Variants in PREPL observed in about 807,000 individuals in gnomAD.
The protein encoded by PREPL is prolyl endopeptidase-like.
In PREPL, 77 loss-of-function variants were observed where a neutral mutation model predicts 70.6. The ratio of observed to expected loss-of-function variants is 1.09; its 90% confidence interval spans 0.91 to 1.32. PREPL has a LOEUF of 1.32. Ranked by LOEUF, PREPL falls within the 40% of genes most tolerant of loss-of-function variation. PREPL has a pLI of 0.00. For synonymous variants in PREPL, 315 were observed against 264.8 expected (o/e 1.19, Z -1.84); for missense variants, 1,002 against 778.2 (o/e 1.29, Z -3.42).
chr2:44,360,745 A>T (rs1248065423), intron 1 of PREPL: 1 of 152,252 alleles, frequency 6.6e-6, no homozygotes, highest in Admixed American at 6.5e-5. Flanking sequence ...AGACAGCTTA[A>T]CATTAAGACC....
Position 44,328,438 on chromosome 2 carries a change from C to CAAAAAAAAAAAAAAAAAA in PREPL, c.1262+481_1262+498dup. Among the ~76,000 whole-genome samples the CAAAAAAAAAAAAAAAAAA allele has an allele frequency of 3.3e-5, 2 of 61,190 alleles. 1 individual carries two copies. Among genetic ancestry groups the CAAAAAAAAAAAAAAAAAA allele is most frequent in the Non-Finnish European group, 5.6e-5 (2 of 35,506 alleles). The allele number at this position is 61,190 out of a possible 152,430, so 40.1% of individuals were successfully genotyped here. ...GGCGACAAAGCAAAACTGTCTCAAA[C>CAAAAAAAAAAAAAAAAAA]AAAAAAAAAAAAAAAAAAAAAAAAA... On this transcript the variant is annotated intron_variant, in intron 9 of 13. Coordinates refer to ENST00000409411, the MANE Select transcript of PREPL (RefSeq NM_001171613.2).
intron 1 of PREPL, among the ~76,000 whole-genome samples, chr2:44,353,039 G>C (rs1223050961): frequency 1.3e-5 from 2 of 152,078 alleles, no homozygotes; most frequent in African/African-American, 4.8e-5. Flanking sequence ...TTGAGCCCAA[G>C]AGCTTCAGAC....
At position 44,328,897 on chromosome 2, in the gene PREPL, G is replaced by T. The variant is rs200515359; in HGVS notation, c.1262+40C>A. On this transcript the variant is annotated intron_variant, in intron 9 of 13. Coordinates refer to ENST00000409411, the MANE Select transcript of PREPL (RefSeq NM_001171613.2). ...TGTTATTCTTGACATCTCTCACAATGGTCTAGCACTTACATGCCAGGTAAA... is the reference window on the plus strand; with the variant it reads ...TGTTATTCTTGACATCTCTCACAATTGTCTAGCACTTACATGCCAGGTAAA... 981 of 1,552,934 alleles carry T rather than the reference G, an allele frequency of 6.3e-4. 6 individuals carry two copies. The African/African-American group carries it at 0.012, about 19-fold the overall frequency.
chr2:44,322,000 A>G, intron 12 of PREPL, 100 bp from the exon 13 acceptor site: 1 of 1,248,808 alleles, frequency 8.0e-7, no homozygotes, highest in Non-Finnish European at 1.1e-6. Context: ...CTCAGTTCAA[A>G]TAATAGTAAA....
At position 44,321,572 on chromosome 2, in the gene PREPL, C is replaced by T. The variant is rs963563882; in HGVS notation, c.1828-127G>A. 24 of 1,497,192 alleles carry T rather than the reference C, an allele frequency of 1.6e-5. No homozygotes were observed. The South Asian group carries it at 3.1e-4, about 19-fold the overall frequency. The allele number at this position is 1,497,192 out of a possible 1,614,324, so 92.7% of individuals were successfully genotyped here. ...CAGCAATTTATGGCAAGAATACTTT[C>T]ATTCGAGAGAGAGGCAGAAGGCTTC... On this transcript the variant is annotated intron_variant, in intron 13 of 13. Coordinates refer to ENST00000409411, the MANE Select transcript of PREPL (RefSeq NM_001171613.2).
chr2:44,342,486 T>G lies in PREPL; in HGVS notation c.416A>C (p.His139Pro), dbSNP rs746974507. 6.2e-7 allele frequency: 1 copy of G among 1,613,034 alleles called. No homozygotes were observed. The highest frequency in any genetic ancestry group is 1.7e-5 in the Admixed American group (1 of 59,940). ...FYTFQRNLRC[H>P]DVYRATFGDN... ...ACCAAAAGTGGCTCGATATACGTCA[T>G]GACAGCGAAGGTTCCTCTGGAAGGT... Residue 139 changes from histidine to proline, a missense_variant, in exon 5 of 14, where the codon CAT (histidine) becomes CCT (proline). Coordinates refer to ENST00000409411, the MANE Select transcript of PREPL (RefSeq NM_001171613.2).
chr2:44,327,279 C>G (rs910774866), intron 9 of PREPL, among the ~76,000 whole-genome samples: 1 of 152,114 alleles, frequency 6.6e-6, no homozygotes, highest in Non-Finnish European at 1.5e-5. Context: ...GTGGAGAAGA[C>G]AGTAATTTTG....
chr2:44,345,537 G>A (rs1675704646), intron 2 of PREPL, among the ~76,000 whole-genome samples: 1 of 151,920 alleles, frequency 6.6e-6, no homozygotes, highest in East Asian at 1.9e-4. Flanking sequence ...TAGTAGAGAT[G>A]GGGTTTCACC....
intron 1 of PREPL, among the ~76,000 whole-genome samples, chr2:44,359,047 C>T (rs1298286168): frequency 6.6e-6 from 1 of 150,702 alleles, no homozygotes; most frequent in Non-Finnish European, 1.5e-5. Flanking sequence ...ACATTAGAGC[C>T]CTATAAATAT....
At position 44,323,284 on chromosome 2, in the gene PREPL, G is replaced by T. The variant is rs1397707506; in HGVS notation, c.1607C>A (p.Pro536His). The change falls in exon 11 of 14, where the codon CCC becomes CAC. Residue 536 changes from proline (P) to histidine (H), a missense_variant. Physicochemically the swap from Pro to His is moderately conservative, Grantham distance 77 (BLOSUM62 -2). Transcript: ENST00000409411. ...KHKNYIKRYC[P>H]YQNIKPQHYP... ...TACCTGAGGTTTAATATTTTGATAG[G>T]GACAGTAACGTTTTATGTAGTTCTT... The T allele has an allele frequency of 1.2e-6, 2 of 1,605,080 alleles. No individual in the cohort carries two copies. The highest frequency in any genetic ancestry group is 8.5e-7 in the Non-Finnish European group (1 of 1,174,424).
intron 6 of PREPL, 92 bp from the exon 7 acceptor site, chr2:44,338,628 G>T: frequency 9.8e-7 from 1 of 1,019,706 alleles, no homozygotes; most frequent in Non-Finnish European, 1.4e-6. Flanking sequence ...GACCATACTA[G>T]TCCTCACTGT....
chr2:44,357,402 G>C (rs904900295), intron 1 of PREPL, among the ~76,000 whole-genome samples: 1 of 152,140 alleles, frequency 6.6e-6, no homozygotes, highest in African/African-American at 2.4e-5. Context: ...ACAGCTGCCG[G>C]GGCATCTTTA....
At chr2:44,326,477 A>G (rs1459544860) in intron 10 of PREPL, among the ~76,000 whole-genome samples, 7 of 143,300 alleles carry the variant, frequency 4.9e-5, no homozygotes, top group African/African-American at 1.6e-4. Flanking sequence ...AGATCCTCTT[A>G]CCAACAAGCC....
chr2:44,324,222 T>C (rs1673266008), intron 10 of PREPL, among the ~76,000 whole-genome samples: 1 of 152,218 alleles, frequency 6.6e-6, no homozygotes, highest in Non-Finnish European at 1.5e-5. Context: ...GTTTGAGTAG[T>C]CAAATTCACA....
chr2:44,358,874 G>A (rs1315636539), intron 1 of PREPL, among the ~76,000 whole-genome samples: 1 of 151,996 alleles, frequency 6.6e-6, no homozygotes, highest in African/African-American at 2.4e-5. Flanking sequence ...TTACTGATTT[G>A]TGATTCATAA....
intron 2 of PREPL, among the ~76,000 whole-genome samples, chr2:44,345,210 G>A (rs1398153877): frequency 6.6e-6 from 1 of 152,078 alleles, no homozygotes; most frequent in African/African-American, 2.4e-5. Flanking sequence ...TGATTTCAGT[G>A]GCTTACGTTT....
intron 9 of PREPL, 29 bp downstream of exon 9, chr2:44,328,908 T>TA (rs755238220): frequency 8.8e-6 from 14 of 1,594,150 alleles, no homozygotes; most frequent in Non-Finnish European, 1.2e-5. Flanking sequence ...GTCTAGCACT[T>TA]ACATGCCAGG....
chr2:44,360,279 CTTGT>C lies in PREPL; in HGVS notation c.-49+1097_-49+1100del, dbSNP rs941074399. ...TTAACTAACTGCCAGGTGCTTTTAT[CTTGT>C]TTGTCTAATTTAAATTTTATATGGA... On this transcript the variant is annotated intron_variant, in intron 1 of 13. Coordinates refer to ENST00000409411, the MANE Select transcript of PREPL (RefSeq NM_001171613.2). 4 of 152,290 alleles carry C rather than the reference CTTGT, an allele frequency of 2.6e-5. No individual in the cohort carries two copies. The East Asian group carries it at 5.8e-4, about 22-fold the overall frequency. The allele number at this position is 152,290 out of a possible 1,614,324, so 9.4% of individuals were successfully genotyped here. A position where few individuals can be genotyped will look rare whatever the true frequency, so the allele number is the denominator to read the frequency against.
At chr2:44,335,908 T>A (rs1013454959) in intron 7 of PREPL, among the ~76,000 whole-genome samples, 1 of 151,830 alleles carries the variant, frequency 6.6e-6, no homozygotes, top group African/African-American at 2.4e-5. Flanking sequence ...TGAACAGATA[T>A]TTTTAAAAGA....
Sources: gnomAD v4.1 joint callset for allele counts (sites outside exome capture counted in the v4.1 genomes callset) on GRCh38, gnomAD v4.1.1 for gene constraint, MANE v1.5 for transcripts, NCBI Gene and HGNC (gene_info 2026-07-23, HGNC 2026-07-21) for gene names.